Variants in CTNNA2 observed in about 807,000 individuals in gnomAD.
CTNNA2 encodes the protein catenin alpha-2.
Under a neutral mutation model 101.0 loss-of-function variants are expected in CTNNA2, and 42 were observed. The ratio of observed to expected loss-of-function variants is 0.42; its 90% confidence interval spans 0.32 to 0.54. The LOEUF (loss-of-function observed/expected upper bound fraction) is 0.54. CTNNA2 is among the 20% of genes least tolerant of loss of function. The pLI, the probability that CTNNA2 is intolerant of heterozygous loss-of-function variation, is 0.14. For missense variants in CTNNA2, 871 were observed against 1,223.1 expected (o/e 0.71, Z 4.29); for synonymous variants, 450 against 456.4 (o/e 0.99, Z 0.18).
chr2:79,883,773 A>C (rs1027945210), intron 6 of CTNNA2, among the ~76,000 whole-genome samples: 4 of 152,168 alleles, frequency 2.6e-5, no homozygotes, highest in Non-Finnish European at 4.4e-5. Context: ...AGATACTTTC[A>C]AAAAATTTCA....
At chr2:79,290,495 G>A (rs1224918419) in intron 2 of CTNNA2, among the ~76,000 whole-genome samples, 3 of 152,044 alleles carry the variant, frequency 2.0e-5, no homozygotes, top group Middle Eastern at 3.2e-3. Flanking sequence ...AGACCACCCT[G>A]GCCCACCATG....
At chr2:80,061,030 G>GCT (rs1697566233) in intron 7 of CTNNA2, among the ~76,000 whole-genome samples, 1 of 152,056 alleles carries the variant, frequency 6.6e-6, no homozygotes, top group South Asian at 2.1e-4. Context: ...CACATCCTAA[G>GCT]CTCTCCCTCT....
chr2:79,751,066 G>T (rs1672001259), intron 3 of CTNNA2, among the ~76,000 whole-genome samples: 1 of 152,056 alleles, frequency 6.6e-6, no homozygotes, highest in Admixed American at 6.5e-5. Flanking sequence ...TTCAGGAGTT[G>T]TGGAAAAAAA....
intron 7 of CTNNA2, among the ~76,000 whole-genome samples, chr2:80,349,931 G>A (rs1176734340): frequency 1.3e-5 from 2 of 152,196 alleles, no homozygotes; most frequent in East Asian, 3.9e-4. Context: ...GTGATGGCTA[G>A]TCCAGGGGCT....
intron 2 of CTNNA2, among the ~76,000 whole-genome samples, chr2:79,708,187 T>C (rs1685508607): frequency 6.6e-6 from 1 of 152,222 alleles, no homozygotes; most frequent in African/African-American, 2.4e-5. Context: ...TACAGTGTAC[T>C]ATGCTTATTT....
At chr2:80,076,890 C>CAA (rs890500095) in intron 7 of CTNNA2, among the ~76,000 whole-genome samples, 4 of 145,086 alleles carry the variant, frequency 2.8e-5, no homozygotes, top group African/African-American at 1.0e-4. Context: ...CTAAAAAATA[C>CAA]AAAAAAAAAA....
At position 79,939,883 on chromosome 2, in the gene CTNNA2, G is replaced by A. The variant is rs139736464; in HGVS notation, c.1056+30086G>A. ...CGAGGTGGGCAGATCACCTGACGTCGGGAGTTCGAGACCAGCCTGACCAAC... is the reference window on the plus strand; with the variant it reads ...CGAGGTGGGCAGATCACCTGACGTCAGGAGTTCGAGACCAGCCTGACCAAC... On this transcript the variant is annotated intron_variant, in intron 7 of 18. Transcript: ENST00000402739. Among the ~76,000 whole-genome samples the A allele has an allele frequency of 3.6e-3, 555 of 152,086 alleles. 3 individuals carry two copies. The highest frequency in any genetic ancestry group is 0.011 in the African/African-American group (469 of 41,492).
At chr2:79,958,192 C>A (rs1218092187) in intron 7 of CTNNA2, among the ~76,000 whole-genome samples, 1 of 152,148 alleles carries the variant, frequency 6.6e-6, no homozygotes, top group Non-Finnish European at 1.5e-5. Flanking sequence ...CTATCAGCCT[C>A]TTCTCTGCAG....
chr2:79,348,941 C>A, intron 3 of CTNNA2, among the ~76,000 whole-genome samples: 1 of 152,238 alleles, frequency 6.6e-6, no homozygotes, highest in East Asian at 1.9e-4. Flanking sequence ...GATATATCAG[C>A]CTTTTTGTAG....
chr2:79,766,498 G>A (rs769816447), intron 3 of CTNNA2, among the ~76,000 whole-genome samples: 1 of 152,016 alleles, frequency 6.6e-6, no homozygotes, highest in South Asian at 2.1e-4. Context: ...TGTTAAATGC[G>A]TTGAGGTAGT....
At chr2:79,979,437 G>A (rs1173013768) in intron 7 of CTNNA2, among the ~76,000 whole-genome samples, 2 of 152,034 alleles carry the variant, frequency 1.3e-5, no homozygotes. Context: ...ATGAGATTTA[G>A]AACATCATTT....
At chr2:80,495,082 G>A (rs1245334813) in intron 9 of CTNNA2, among the ~76,000 whole-genome samples, 3 of 152,188 alleles carry the variant, frequency 2.0e-5, no homozygotes, top group Non-Finnish European at 4.4e-5. Context: ...ATGATGACCT[G>A]TTGGGGATAC....
At chr2:80,301,167 G>A (rs1208721155) in intron 7 of CTNNA2, among the ~76,000 whole-genome samples, 1 of 152,128 alleles carries the variant, frequency 6.6e-6, no homozygotes, top group Non-Finnish European at 1.5e-5. Flanking sequence ...TTCATCCTAA[G>A]GTAGGTTTTT....
chr2:80,506,627 C>CT (rs1688299871), intron 9 of CTNNA2, among the ~76,000 whole-genome samples: 1 of 152,182 alleles, frequency 6.6e-6, no homozygotes, highest in South Asian at 2.1e-4. Context: ...CAGGTGGGTT[C>CT]TTATTAGAGT....
chr2:79,417,994 G>C (rs1415940866), intron 4 of CTNNA2, among the ~76,000 whole-genome samples: 1 of 152,066 alleles, frequency 6.6e-6, no homozygotes, highest in Admixed American at 6.6e-5. Flanking sequence ...TCTGAGGTTA[G>C]GGGTTTTTCA....
At chr2:80,456,465 G>A (rs1445835043) in intron 9 of CTNNA2, among the ~76,000 whole-genome samples, 1 of 152,150 alleles carries the variant, frequency 6.6e-6, no homozygotes, top group East Asian at 1.9e-4. Flanking sequence ...GGGAGCAGGC[G>A]GGATAGTGAG....
chr2:80,302,390 A>G lies in CTNNA2; in HGVS notation c.1057-90821A>G, dbSNP rs1676411408. ...GGCAGACATGGCAGCCATCTGATGCATGGTCTGTTTCTGCTTTTGCTTCCT... is the reference window on the plus strand; with the variant it reads ...GGCAGACATGGCAGCCATCTGATGCGTGGTCTGTTTCTGCTTTTGCTTCCT... On this transcript the variant is annotated intron_variant, in intron 7 of 18. Transcript: ENST00000402739. This position sits in a 1 kb window ranked among gnomAD's most constrained non-coding sequence, Gnocchi z 6.4. 1.2e-6 allele frequency: 2 copies of G among 1,614,094 alleles called. No homozygotes were observed. The highest frequency in any genetic ancestry group is 1.7e-6 in the Non-Finnish European group (2 of 1,180,050).
At chr2:79,565,970 C>CAT (rs1675087350) in intron 1 of CTNNA2, among the ~76,000 whole-genome samples, 1 of 151,940 alleles carries the variant, frequency 6.6e-6, no homozygotes, top group Non-Finnish European at 1.5e-5. Flanking sequence ...ATAGAATAAG[C>CAT]AGATGAAACA....
At chr2:79,641,483 T>G in intron 1 of CTNNA2, among the ~76,000 whole-genome samples, 1 of 152,260 alleles carries the variant, frequency 6.6e-6, no homozygotes, top group Admixed American at 6.5e-5. Context: ...CTAACAGTTC[T>G]GATTTTCAGT....
Sources: allele counts gnomAD v4.1 joint callset (sites outside exome capture counted in the v4.1 genomes callset), GRCh38; gene constraint gnomAD v4.1.1; non-coding constraint Gnocchi (gnomAD v3.1); transcripts MANE v1.5; gene names NCBI Gene and HGNC (gene_info 2026-07-23, HGNC 2026-07-21).